The following DIAPH3 variants were observed in gnomAD, a reference collection of about 807,000 sequenced individuals.
DIAPH3 encodes the protein protein diaphanous homolog 3.
A neutral mutation model predicts 144.3 loss-of-function variants in DIAPH3; 117 were observed. The observed-to-expected ratio is 0.81, with a 90% CI of 0.70 to 0.95. DIAPH3 has a LOEUF of 0.95. Ranked by LOEUF, DIAPH3 falls within the 40% of genes least tolerant of loss-of-function variation. The pLI, the probability that DIAPH3 is intolerant of heterozygous loss-of-function variation, is 0.00. For missense variants in DIAPH3, 1,421 were observed against 1,412.7 expected (o/e 1.01, Z -0.09); for synonymous variants, 519 against 488.9 (o/e 1.06, Z -0.81).
intron 23 of DIAPH3, chr13:59,839,121 A>AACAG (rs895647039): frequency 5.2e-5 from 26 of 502,064 alleles, no homozygotes; most frequent in African/African-American, 1.2e-4. Context: ...TAAATAAACA[A>AACAG]ACAGACAGAC....
intron 3 of DIAPH3, among the ~76,000 whole-genome samples, chr13:60,102,462 A>G (rs2058298679): frequency 6.6e-6 from 1 of 152,238 alleles, no homozygotes; most frequent in South Asian, 2.1e-4. Flanking sequence ...GATGTCAGAA[A>G]AGTTCTCAAA....
At chr13:60,091,360 C>T (rs554708640) in intron 4 of DIAPH3, among the ~76,000 whole-genome samples, 5 of 152,316 alleles carry the variant, frequency 3.3e-5, no homozygotes, top group East Asian at 3.9e-4. Context: ...TGCAGTGGCA[C>T]GATCTCGGCT....
intron 27 of DIAPH3, among the ~76,000 whole-genome samples, chr13:59,676,682 C>A (rs1043223508): frequency 4.6e-5 from 7 of 152,136 alleles, no homozygotes; most frequent in African/African-American, 1.2e-4. Flanking sequence ...TGGGGAAAAG[C>A]TAAAGCTAAC....
At chr13:60,069,246 C>T (rs538441151) in intron 4 of DIAPH3, among the ~76,000 whole-genome samples, 59 of 152,242 alleles carry the variant, frequency 3.9e-4, no homozygotes, top group African/African-American at 1.3e-3. Flanking sequence ...TGATATTGAG[C>T]ACTTTTCATA....
intron 17 of DIAPH3, among the ~76,000 whole-genome samples, chr13:59,945,989 T>C (rs1021613331): frequency 7.9e-5 from 12 of 152,166 alleles, no homozygotes; most frequent in African/African-American, 2.9e-4. Flanking sequence ...ATACATTAAG[T>C]AGGCAGTGAG....
chr13:60,119,499 G>A (rs952332392), intron 2 of DIAPH3, among the ~76,000 whole-genome samples: 23 of 152,026 alleles, frequency 1.5e-4, no homozygotes, highest in Non-Finnish European at 7.4e-5. Context: ...TGTAATCCCA[G>A]CACTTTGGGA....
intron 23 of DIAPH3, 22 bp downstream of exon 23, chr13:59,839,302 T>G: frequency 6.2e-7 from 1 of 1,612,094 alleles, no homozygotes; most frequent in Middle Eastern, 1.7e-4. Context: ...TGACTTAAGT[T>G]ATTTAGCTAT....
At chr13:59,847,631 A>G (rs1391821332) in intron 22 of DIAPH3, among the ~76,000 whole-genome samples, 1 of 152,338 alleles carries the variant, frequency 6.6e-6, no homozygotes, top group East Asian at 1.9e-4. Context: ...TAATAACAAT[A>G]TTCAAAATGT....
intron 1 of DIAPH3, among the ~76,000 whole-genome samples, chr13:60,148,972 T>C (rs1468816977): frequency 6.6e-6 from 1 of 152,202 alleles, no homozygotes; most frequent in Admixed American, 6.5e-5. Flanking sequence ...TCAGTATAAC[T>C]GGCATTCAAA....
intron 22 of DIAPH3, among the ~76,000 whole-genome samples, chr13:59,851,626 T>G (rs1025175300): frequency 6.7e-6 from 1 of 149,378 alleles, no homozygotes; most frequent in Non-Finnish European, 1.5e-5. Context: ...CAACAATGAA[T>G]AGATGAATCT....
intron 24 of DIAPH3, among the ~76,000 whole-genome samples, chr13:59,830,514 T>C (rs1170221641): frequency 2.0e-5 from 3 of 151,852 alleles, no homozygotes; most frequent in Non-Finnish European, 4.4e-5. Context: ...TAGTGACTTC[T>C]AGGACCCCAT....
intron 4 of DIAPH3, among the ~76,000 whole-genome samples, chr13:60,068,115 A>G (rs754738252): frequency 6.6e-6 from 1 of 152,130 alleles, no homozygotes; most frequent in Non-Finnish European, 1.5e-5. Context: ...TCACTTCACC[A>G]TCTCCTTTTG....
At chr13:59,832,040 C>A (rs1393643890) in intron 24 of DIAPH3, among the ~76,000 whole-genome samples, 1 of 151,796 alleles carries the variant, frequency 6.6e-6, no homozygotes, top group African/African-American at 2.4e-5. Flanking sequence ...ACTGCAAAGT[C>A]TTTACTATTT....
intron 5 of DIAPH3, among the ~76,000 whole-genome samples, chr13:60,040,683 T>C (rs944047527): frequency 2.0e-5 from 3 of 152,122 alleles, no homozygotes; most frequent in Non-Finnish European, 2.9e-5. Context: ...AGCTGACAGA[T>C]AAACTGAGAA....
intron 15 of DIAPH3, among the ~76,000 whole-genome samples, chr13:59,973,015 T>C (rs909813307): frequency 6.6e-6 from 1 of 152,202 alleles, no homozygotes; most frequent in Non-Finnish European, 1.5e-5. Flanking sequence ...TGCCAGTTGT[T>C]CAAACATGAA....
intron 27 of DIAPH3, among the ~76,000 whole-genome samples, chr13:59,772,704 A>C (rs889698441): frequency 6.6e-6 from 1 of 152,082 alleles, no homozygotes; most frequent in Non-Finnish European, 1.5e-5. Context: ...AAAAATATAT[A>C]TTTTAAATTA....
intron 4 of DIAPH3, among the ~76,000 whole-genome samples, chr13:60,063,232 A>T (rs2056835251): frequency 6.6e-6 from 1 of 152,204 alleles, no homozygotes; most frequent in African/African-American, 2.4e-5. Flanking sequence ...TTGCCCATCC[A>T]TAAGAAGTAA....
intron 5 of DIAPH3, among the ~76,000 whole-genome samples, chr13:60,028,787 A>C (rs1265079517): frequency 6.6e-6 from 1 of 152,162 alleles, no homozygotes; most frequent in Non-Finnish European, 1.5e-5. Context: ...TTGGCCGGGC[A>C]CGGTGCCTCA....
intron 22 of DIAPH3, among the ~76,000 whole-genome samples, chr13:59,843,892 C>G (rs1223441744): frequency 6.6e-6 from 1 of 152,016 alleles, no homozygotes; most frequent in Non-Finnish European, 1.5e-5. Flanking sequence ...TAAGTCGGAT[C>G]TGAATAATGG....
Sources: gnomAD v4.1 joint callset for allele counts (sites outside exome capture counted in the v4.1 genomes callset) on GRCh38, gnomAD v4.1.1 for gene constraint, MANE v1.5 for transcripts, NCBI Gene and HGNC (gene_info 2026-07-23, HGNC 2026-07-21) for gene names.